Variants in KLHL23 observed in about 807,000 individuals in gnomAD.
KLHL23 encodes the protein kelch like family member 23.
In KLHL23, 33 loss-of-function variants were observed where a neutral mutation model predicts 48.9. The ratio of observed to expected loss-of-function variants is 0.67; its 90% CI spans 0.51 to 0.90. KLHL23 has a LOEUF of 0.90. KLHL23 is among the 40% of genes least tolerant of loss of function. The pLI, the probability that KLHL23 is intolerant of heterozygous loss-of-function variation, is 0.00. For missense variants in KLHL23, 608 were observed against 669.6 expected (o/e 0.91, Z 1.02); for synonymous variants, 234 against 231.6 (o/e 1.01, Z -0.09).
Position 169,741,199 on chromosome 2 carries a change from C to T in KLHL23, c.1214-186C>T, listed in dbSNP as rs1421747395. The T allele has an allele frequency of 2.5e-5, 15 of 606,752 alleles. 1 individual carries two copies. Among genetic ancestry groups the T allele is most frequent in the Non-Finnish European group, 3.7e-5 (14 of 380,420 alleles). The allele number at this position is 606,752 out of a possible 1,614,324, so 37.6% of individuals were successfully genotyped here. A position where few individuals can be genotyped will look rare whatever the true frequency, so the allele number is the denominator to read the frequency against. ...TGGTGCATGGCTGTGTTTGTGTGCA[C>T]GTCTCACCCTCTCTTAAGAGCACAA... On this transcript the variant is annotated intron_variant, in intron 2 of 3. Transcript: ENST00000392647.
Position 169,749,526 on chromosome 2 carries a change from A to T in KLHL23, c.1471A>T (p.Ile491Leu). 1 of 1,614,150 alleles carries T rather than the reference A, an allele frequency of 6.2e-7. No individual in the cohort carries two copies. The highest frequency in any genetic ancestry group is 8.5e-7 in the Non-Finnish European group (1 of 1,180,034). Residue 491 changes from isoleucine to leucine, a missense_variant, in exon 4 of 4, where the codon ATA becomes TTA. Around this residue, in one of 3 missense-constraint regions of KLHL23, gnomAD observed 179 missense variants for 169.9 expected, o/e 1.05. Transcript: ENST00000392647. ...YDPEQNEWREIAPMMERRMEC... is the reference protein window; with the variant it reads ...YDPEQNEWRELAPMMERRMEC... ...CCCTGAACAAAATGAATGGAGAGAGATAGCTCCCATGATGGAAAGGAGGAT... is the reference window on the plus strand; with the variant it reads ...CCCTGAACAAAATGAATGGAGAGAGTTAGCTCCCATGATGGAAAGGAGGAT...
intron 2 of KLHL23, among the ~76,000 whole-genome samples, chr2:169,738,293 C>A (rs58304328): frequency 6.6e-6 from 1 of 151,486 alleles, no homozygotes; most frequent in Non-Finnish European, 1.5e-5. Context: ...CTAGAAATGG[C>A]GGGGGGTCTC....
At chr2:169,744,002 A>C (rs1688734801) in intron 3 of KLHL23, among the ~76,000 whole-genome samples, 1 of 152,220 alleles carries the variant, frequency 6.6e-6, no homozygotes, top group Admixed American at 6.5e-5. Context: ...TAATATAAGT[A>C]TTATATTTTA....
chr2:169,748,402 T>G (rs1193705315), intron 3 of KLHL23, among the ~76,000 whole-genome samples: 1 of 152,218 alleles, frequency 6.6e-6, no homozygotes, highest in Non-Finnish European at 1.5e-5. Flanking sequence ...CAAATCCTCC[T>G]CTTCCTTTGG....
intron 2 of KLHL23, 58 bp from the exon 3 acceptor site, chr2:169,741,327 T>A (rs1253935436): frequency 1.5e-5 from 24 of 1,552,226 alleles, no homozygotes; most frequent in African/African-American, 2.7e-5. Context: ...TAGCCCAGGG[T>A]TCACTGCAAA....
intron 2 of KLHL23, among the ~76,000 whole-genome samples, chr2:169,740,768 ATATATATATAT>A (rs1688656787): frequency 2.4e-5 from 1 of 41,878 alleles, no homozygotes; most frequent in Non-Finnish European, 5.1e-5. Flanking sequence ...TTTTTATATT[ATATATATATAT>A]ATATATATAT....
At chr2:169,740,895 T>G (rs1235101084) in intron 2 of KLHL23, 2 of 151,886 alleles carry the variant, frequency 1.3e-5, no homozygotes, top group Non-Finnish European at 2.9e-5. Flanking sequence ...ATCATCAATG[T>G]CAGAGTCATC....
intron 1 of KLHL23, 75 bp from the exon 2 acceptor site, chr2:169,734,938 C>A: frequency 6.7e-7 from 1 of 1,483,800 alleles, no homozygotes; most frequent in South Asian, 1.5e-5. Flanking sequence ...CGATGATAGT[C>A]AAGTTATTTA....
In KLHL23 at chr2:169,735,230, A is replaced by G. The variant is rs1688481650; in HGVS notation, c.216A>G (p.Glu72=). The change falls in exon 2 of 4, where the codon GAA becomes GAG. Residue 72 remains glutamate (E), a synonymous_variant. Coordinates refer to ENST00000392647, the MANE Select transcript of KLHL23 (RefSeq NM_144711.6). The surrounding 1 kb of genome is among the most constrained non-coding windows in gnomAD (Gnocchi z 4.5). ...CAATGTTCACAGCTGACATGAAAGA[A>G]AAATTTAAAAATAAAATAAAACTCT... The part of the protein sequence containing the change: ...FKAMFTADMK[E]KFKNKIKLSG... The G allele has an allele frequency of 6.2e-7, 1 of 1,603,110 alleles. No homozygotes were observed. Among genetic ancestry groups the G allele is most frequent in the African/African-American group, 1.3e-5 (1 of 74,150 alleles).
rs1169471797 is a variant in KLHL23 at position 169,749,930 on chromosome 2, TACAC to T, written c.*206_*209del. On this transcript the variant is annotated 3_prime_UTR_variant, in exon 4 of 4. Coordinates refer to ENST00000392647, the MANE Select transcript of KLHL23 (RefSeq NM_144711.6). ...GAAAAATCTTATATATATATATATA[TACAC>T]ACACACATATATGTGTTCATATATA... 100 of 86,090 alleles carry T rather than the reference TACAC, an allele frequency of 1.2e-3. 1 individual carries two copies. The highest frequency in any genetic ancestry group is 1.4e-3 in the Non-Finnish European group (65 of 46,020). The allele number at this position is 86,090 out of a possible 1,614,324, so 5.3% of individuals were successfully genotyped here.
chr2:169,735,051 T>C lies in KLHL23; in HGVS notation c.37T>C (p.Phe13Leu), dbSNP rs139288635. ...LKGQEDYIYL[F>L]KDSTHPVDFL... ...AGGACAAGAAGATTATATTTATCTT[T>C]TCAAGGATTCAACACATCCAGTGGA... Residue 13 changes from phenylalanine (F) to leucine (L), a missense_variant, in exon 2 of 4, where the codon TTC becomes CTC. Coordinates refer to ENST00000392647, the MANE Select transcript of KLHL23 (RefSeq NM_144711.6). The surrounding 1 kb of genome is among the most constrained non-coding windows in gnomAD (Gnocchi z 4.5). 1 of 1,577,010 alleles carries C rather than the reference T, an allele frequency of 6.3e-7. No homozygotes were observed. The highest frequency in any genetic ancestry group is 8.6e-7 in the Non-Finnish European group (1 of 1,167,584).
At position 169,740,119 on chromosome 2, in the gene KLHL23, T is replaced by C. The variant is rs1279098943; in HGVS notation, c.1214-1266T>C. Among the ~76,000 whole-genome samples, 16 of 152,244 alleles carry C rather than the reference T, an allele frequency of 1.1e-4. No homozygotes were observed. In the East Asian group the frequency reaches 3.1e-3, roughly 29 times the overall value. On this transcript the variant is annotated intron_variant, in intron 2 of 3. Transcript: ENST00000392647. Reference sequence around the variant, plus strand: ...CATTACTGTACACTACTGTAGACTTTTTACTTTTTTTGAGACAGGGTCTTG... The same window carrying C: ...CATTACTGTACACTACTGTAGACTTCTTACTTTTTTTGAGACAGGGTCTTG...
intron 3 of KLHL23, among the ~76,000 whole-genome samples, chr2:169,742,845 A>G (rs1271642872): frequency 6.6e-6 from 1 of 152,226 alleles, no homozygotes; most frequent in East Asian, 1.9e-4. Flanking sequence ...AATAGTAACA[A>G]CTCACAGTGA....
Position 169,735,036 on chromosome 2 carries a change from G to T in KLHL23, c.22G>T (p.Asp8Tyr). The change falls in exon 2 of 4, where the codon GAT becomes TAT. Residue 8 changes from aspartate (D) to tyrosine (Y), a missense_variant. Coordinates refer to ENST00000392647, the MANE Select transcript of KLHL23 (RefSeq NM_144711.6). This position sits in a 1 kb window ranked among gnomAD's most constrained non-coding sequence, Gnocchi z 4.5. MALKGQE[D>Y]YIYLFKDSTH... ...AGCCATGGCTCTAAAAGGACAAGAAGATTATATTTATCTTTTCAAGGATTC... is the reference window on the plus strand; with the variant it reads ...AGCCATGGCTCTAAAAGGACAAGAATATTATATTTATCTTTTCAAGGATTC... The T allele has an allele frequency of 6.4e-7, 1 of 1,562,814 alleles. No homozygotes were observed. Among genetic ancestry groups the T allele is most frequent in the Non-Finnish European group, 8.6e-7 (1 of 1,159,564 alleles).
At chr2:169,742,766 T>C (rs1558948626) in intron 3 of KLHL23, among the ~76,000 whole-genome samples, 1 of 152,204 alleles carries the variant, frequency 6.6e-6, no homozygotes, top group Non-Finnish European at 1.5e-5. Context: ...TCCCTCCTAG[T>C]AGCCCAAATG....
chr2:169,736,330 T>C, intron 2 of KLHL23, 103 bp downstream of exon 2: 2 of 1,412,086 alleles, frequency 1.4e-6, no homozygotes, highest in Non-Finnish European at 1.9e-6. Flanking sequence ...ATCTAGGAAC[T>C]ATAGTTAATT....
In KLHL23 at chr2:169,735,534, G is replaced by A. The variant is rs1688488555; in HGVS notation, c.520G>A (p.Glu174Lys). Residue 174 changes from glutamate (E) to lysine (K), a missense_variant, in exon 2 of 4, where the codon GAA (glutamate) becomes AAA (lysine). Physicochemically the swap from Glu to Lys is moderately conservative, Grantham distance 56 (BLOSUM62 1). Transcript: ENST00000392647. The surrounding 1 kb of genome is among the most constrained non-coding windows in gnomAD (Gnocchi z 4.5). ...SKFKEVWQQE[E>K]FLEISLEKFL... ...GTTTAAGGAAGTGTGGCAACAAGAA[G>A]AATTTCTGGAAATCAGCCTTGAAAA... The A allele has an allele frequency of 2.5e-6, 4 of 1,613,584 alleles. No individual in the cohort carries two copies. Among genetic ancestry groups the A allele is most frequent in the Non-Finnish European group, 3.4e-6 (4 of 1,179,984 alleles).
At position 169,751,519 on chromosome 2, in the gene KLHL23, G is replaced by T. The variant is rs931055097; in HGVS notation, c.*1787G>T. 1 of 151,852 alleles carries T rather than the reference G, an allele frequency of 6.6e-6. No individual in the cohort carries two copies. The highest frequency in any genetic ancestry group is 2.1e-4 in the South Asian group (1 of 4,814). 9.4% of individuals were successfully genotyped at this position (151,852 alleles called of 1,614,324 possible). A position where few individuals can be genotyped will look rare whatever the true frequency, so the allele number is the denominator to read the frequency against. ...TACTTTTAACCTTAAAAATAATTCA[G>T]AAAAAAGATAAATGCATGAAGACAT... On this transcript the variant is annotated 3_prime_UTR_variant, in exon 4 of 4. Transcript: ENST00000392647.
At position 169,749,733 on chromosome 2, in the gene KLHL23, T is replaced by C; in HGVS notation, c.*1T>C. ...GTGTGTTTGTGTGTATAATGTCTAA[T>C]TGAATCTGCAGAAATGACCAAGCAA... On this transcript the variant is annotated 3_prime_UTR_variant, in exon 4 of 4. Coordinates refer to ENST00000392647, the MANE Select transcript of KLHL23 (RefSeq NM_144711.6). The C allele has an allele frequency of 1.3e-6, 2 of 1,588,184 alleles. No individual in the cohort carries two copies. Among genetic ancestry groups the C allele is most frequent in the South Asian group, 1.1e-5 (1 of 89,162 alleles).
Sources: gnomAD v4.1 joint callset for allele counts (sites outside exome capture counted in the v4.1 genomes callset) on GRCh38, gnomAD v4.1.1 for gene constraint, gnomAD v4.1.1 regional missense constraint, Gnocchi (gnomAD v3.1) non-coding constraint, MANE v1.5 for transcripts, NCBI Gene and HGNC (gene_info 2026-07-23, HGNC 2026-07-21) for gene names.